ATXN2: variants seen among roughly 807,000 people sequenced by gnomAD.
ATXN2 encodes ataxin-2.
Under a neutral mutation model 138.6 loss-of-function variants are expected in ATXN2, and 37 were observed. The ratio of observed to expected loss-of-function variants is 0.27; its 90% CI spans 0.21 to 0.35. ATXN2 has a LOEUF of 0.35. ATXN2 is among the 10% of genes least tolerant of loss of function. The pLI is 1.00. For synonymous variants in ATXN2, 549 were observed against 543.7 expected (o/e 1.01, Z -0.13); for missense variants, 1,216 against 1,480.3 (o/e 0.82, Z 2.93).
chr12:111,581,542 C>T (rs1268643686), intron 1 of ATXN2: 4 of 987,082 alleles, frequency 4.1e-6, no homozygotes, highest in East Asian at 2.4e-5. Context: ...ACTCCGTGCC[C>T]GACCATGTCG....
chr12:111,488,551 G>A lies in ATXN2; in HGVS notation c.2165C>T (p.Ser722Phe), dbSNP rs751406584. 6.2e-7 allele frequency: 1 copy of A among 1,614,144 alleles called. No homozygotes were observed. The highest frequency in any genetic ancestry group is 1.7e-5 in the Admixed American group (1 of 60,016). ...TEHKRGPEVT[S>F]QGVQTSSPAC... ...TGGGCTGGAAGTCTGAACCCCTTGG[G>A]AAGTGACCTCAGGTCCCCTCTTGTG... Residue 722 changes from serine (S) to phenylalanine (F), a missense_variant, in exon 15 of 25, where the codon TCC becomes TTC. Around this residue, in one of 4 missense-constraint regions of ATXN2, gnomAD observed 490 missense variants for 653.5 expected, o/e 0.75. Coordinates refer to ENST00000673436, the MANE Select transcript of ATXN2 (RefSeq NM_001372574.1).
At chr12:111,466,479 C>T (rs747868672) in intron 20 of ATXN2, among the ~76,000 whole-genome samples, 26 of 151,700 alleles carry the variant, frequency 1.7e-4, no homozygotes, top group Non-Finnish European at 3.8e-4. Context: ...CCAGCCTGGG[C>T]GACAGGGAGA....
chr12:111,469,889 T>C (rs1876281460), intron 20 of ATXN2: 1 of 509,452 alleles, frequency 2.0e-6, no homozygotes, highest in South Asian at 4.2e-5. Context: ...ACATTTTAGT[T>C]AAAGCAGGAA....
chr12:111,574,812 AAAAG>A (rs1403587308), intron 1 of ATXN2, among the ~76,000 whole-genome samples: 1 of 152,166 alleles, frequency 6.6e-6, no homozygotes, highest in African/African-American at 2.4e-5. Context: ...CTGGTTGATT[AAAAG>A]AAACTATTAA....
chr12:111,525,136 G>GT, intron 6 of ATXN2, 56 bp downstream of exon 6: 1 of 1,534,704 alleles, frequency 6.5e-7, no homozygotes, highest in Non-Finnish European at 8.7e-7. Context: ...TTACAACCAA[G>GT]TGACAGGATG....
chr12:111,522,141 A>G (rs1206260011), intron 6 of ATXN2, among the ~76,000 whole-genome samples: 1 of 151,976 alleles, frequency 6.6e-6, no homozygotes, highest in Admixed American at 6.6e-5. Flanking sequence ...TCTACCACCA[A>G]TGCAATTCCT....
At chr12:111,460,639 A>T (rs1875508986) in intron 21 of ATXN2, among the ~76,000 whole-genome samples, 1 of 152,056 alleles carries the variant, frequency 6.6e-6, no homozygotes, top group African/African-American at 2.4e-5. Context: ...TTGAAATTTC[A>T]CTTTTAAATA....
In ATXN2 at chr12:111,456,388, G is replaced by C. The variant is rs1593091292; in HGVS notation, c.3043-132C>G. On this transcript the variant is annotated intron_variant, in intron 22 of 24. Transcript: ENST00000673436. Reference sequence around the variant, plus strand: ...ACTGGAAAGTACAGGAGAATGTACAGGGTGGTAAGAGCAAGGCTGGAGGTG... The same window carrying C: ...ACTGGAAAGTACAGGAGAATGTACACGGTGGTAAGAGCAAGGCTGGAGGTG... 1.3e-5 allele frequency: 12 copies of C among 944,318 alleles called. No homozygotes were observed. In the East Asian group the frequency reaches 3.1e-4, roughly 24 times the overall value. 58.5% of individuals were successfully genotyped at this position (944,318 alleles called of 1,614,324 possible).
At chr12:111,531,591 TAC>T (rs1880839815) in intron 5 of ATXN2, among the ~76,000 whole-genome samples, 2 of 142,150 alleles carry the variant, frequency 1.4e-5, no homozygotes, top group Non-Finnish European at 3.0e-5. Context: ...CATATACTAC[TAC>T]ACCATGTATT....
intron 20 of ATXN2, among the ~76,000 whole-genome samples, chr12:111,465,156 T>C (rs1875899336): frequency 6.6e-6 from 1 of 152,154 alleles, no homozygotes; most frequent in Non-Finnish European, 1.5e-5. Flanking sequence ...AGCAAGAATA[T>C]AAACATGAAT....
At chr12:111,464,247 G>GGGGTGTGTGTGTGTGT (rs71445545) in intron 21 of ATXN2, among the ~76,000 whole-genome samples, 4 of 134,630 alleles carry the variant, frequency 3.0e-5, no homozygotes, top group African/African-American at 1.2e-4. Context: ...TGTGGCTTGG[G>GGGGTGTGTGTGTGTGT]GTGTGTGTGT....
Position 111,453,420 on chromosome 12 carries a change from C to T in ATXN2, c.3439+257G>A. 1 of 1,235,624 alleles carries T rather than the reference C, an allele frequency of 8.1e-7. No individual in the cohort carries two copies. The highest frequency in any genetic ancestry group is 1.0e-6 in the Non-Finnish European group (1 of 987,578). 76.5% of individuals were successfully genotyped at this position (1,235,624 alleles called of 1,614,324 possible). On this transcript the variant is annotated intron_variant, in intron 24 of 24. Transcript: ENST00000673436. This position sits in a 1 kb window ranked among gnomAD's most constrained non-coding sequence, Gnocchi z 5.4. ...GGCCAACTGAGTCCTAGGCATGCAT[C>T]AGGCTGCTGTTGCTGCTGCTGCTGC...
intron 1 of ATXN2, among the ~76,000 whole-genome samples, chr12:111,570,557 C>T (rs140095950): frequency 4.4e-4 from 67 of 152,288 alleles, no homozygotes; most frequent in African/African-American, 1.5e-3. Context: ...ATTTTTTCTA[C>T]ATACACCATG....
At chr12:111,586,396 T>C (rs1421677200) in intron 1 of ATXN2, among the ~76,000 whole-genome samples, 2 of 143,030 alleles carry the variant, frequency 1.4e-5, no homozygotes, top group African/African-American at 5.2e-5. Flanking sequence ...TGGTTTTTTT[T>C]TTTTTTTTTT....
rs1881362264 is a variant in ATXN2 at position 111,539,322 on chromosome 12, TAAAAAAG to T, written c.571+12951_571+12957del. ...AACATAGTGGGACCTCGTCTCTACT[TAAAAAAG>T]AAAAATTCTAAAAAGAGAGTGAAAG... On this transcript the variant is annotated intron_variant, in intron 5 of 24. Coordinates refer to ENST00000673436, the MANE Select transcript of ATXN2 (RefSeq NM_001372574.1). Among the ~76,000 whole-genome samples the T allele has an allele frequency of 1.4e-5, 2 of 147,904 alleles. 1 individual carries two copies. Among genetic ancestry groups the T allele is most frequent in the Non-Finnish European group, 3.0e-5 (2 of 66,098 alleles).
chr12:111,499,567 G>A (rs1878622146), intron 14 of ATXN2, among the ~76,000 whole-genome samples: 1 of 151,724 alleles, frequency 6.6e-6, no homozygotes, highest in Admixed American at 6.6e-5. Flanking sequence ...AGGCAGACAT[G>A]GTGGCAGGAG....
At chr12:111,537,558 G>A (rs1400256779) in intron 5 of ATXN2, among the ~76,000 whole-genome samples, 1 of 150,886 alleles carries the variant, frequency 6.6e-6, no homozygotes, top group East Asian at 1.9e-4. Flanking sequence ...GCTCCAGCCT[G>A]GGCGACACAG....
At chr12:111,566,739 C>T (rs1883032677) in intron 1 of ATXN2, among the ~76,000 whole-genome samples, 1 of 151,718 alleles carries the variant, frequency 6.6e-6, no homozygotes. Context: ...CAGGTTCAAG[C>T]GATTCTCCTG....
At chr12:111,493,256 C>A (rs918198508) in intron 14 of ATXN2, among the ~76,000 whole-genome samples, 5 of 151,800 alleles carry the variant, frequency 3.3e-5, no homozygotes, top group African/African-American at 1.2e-4. Flanking sequence ...CCCGTCTTTA[C>A]TAAAAATACA....
Sources: gnomAD v4.1 joint callset for allele counts (sites outside exome capture counted in the v4.1 genomes callset) on GRCh38, gnomAD v4.1.1 for gene constraint, gnomAD v4.1.1 regional missense constraint, Gnocchi (gnomAD v3.1) non-coding constraint, MANE v1.5 for transcripts, NCBI Gene and HGNC (gene_info 2026-07-23, HGNC 2026-07-21) for gene names.